ATP8B4: variants seen among roughly 807,000 people sequenced by gnomAD.
ATP8B4 encodes the protein ATPase phospholipid transporting 8B4 (putative), also known as probable phospholipid-transporting ATPase IM.
A neutral mutation model predicts 145.6 loss-of-function variants in ATP8B4; 133 were observed. That is an observed-to-expected ratio of 0.91 (90% CI 0.79 to 1.05). The LOEUF (loss-of-function observed/expected upper bound fraction) is 1.05. Ranked by LOEUF, ATP8B4 falls within the 50% of genes least tolerant of loss-of-function variation. The pLI is 0.00. For missense variants in ATP8B4, 1,458 were observed against 1,425.2 expected (o/e 1.02, Z -0.37); for synonymous variants, 507 against 492.9 (o/e 1.03, Z -0.38).
At chr15:49,970,135 G>C (rs1410808292) in intron 13 of ATP8B4, among the ~76,000 whole-genome samples, 1 of 152,088 alleles carries the variant, frequency 6.6e-6, no homozygotes. Context: ...AATAATAAGA[G>C]CTATTTATGA....
chr15:50,177,034 A>G (rs2044773971), intron 1 of ATP8B4, among the ~76,000 whole-genome samples: 1 of 152,206 alleles, frequency 6.6e-6, no homozygotes, highest in Non-Finnish European at 1.5e-5. Context: ...ACCATGCTAG[A>G]CAGTCAATAG....
At chr15:50,097,906 G>T (rs941438123) in intron 2 of ATP8B4, among the ~76,000 whole-genome samples, 4 of 151,978 alleles carry the variant, frequency 2.6e-5, no homozygotes, top group African/African-American at 9.7e-5. Flanking sequence ...TTCATTTTAC[G>T]TTCATGCTCA....
chr15:50,118,173 T>C (rs1313818907), intron 1 of ATP8B4, among the ~76,000 whole-genome samples: 1 of 151,804 alleles, frequency 6.6e-6, no homozygotes, highest in African/African-American at 2.4e-5. Flanking sequence ...ATAAACGATA[T>C]AGATAATGAT....
intron 26 of ATP8B4, among the ~76,000 whole-genome samples, chr15:49,865,443 G>T (rs2032619266): frequency 6.6e-6 from 1 of 152,212 alleles, no homozygotes; most frequent in South Asian, 2.1e-4. Context: ...CAGGGAGGGG[G>T]TTGGGGGGAA....
At chr15:50,016,462 A>G (rs541297015) in intron 6 of ATP8B4, among the ~76,000 whole-genome samples, 3 of 152,304 alleles carry the variant, frequency 2.0e-5, no homozygotes, top group Admixed American at 6.5e-5. Context: ...AGCTTTATGT[A>G]TAAGAGGTTG....
At chr15:49,866,590 C>T (rs983657998) in intron 25 of ATP8B4, 106 bp from the exon 26 acceptor site, 3 of 1,414,140 alleles carry the variant, frequency 2.1e-6, no homozygotes, top group South Asian at 1.3e-5. Context: ...AAGTTTGCAC[C>T]TGCCTAGTTG....
intron 10 of ATP8B4, 107 bp from the exon 11 acceptor site, chr15:49,981,401 A>G: frequency 1.1e-6 from 1 of 885,262 alleles, no homozygotes; most frequent in South Asian, 1.9e-5. Context: ...ATTTTTCACA[A>G]TAATTTAACT....
intron 9 of ATP8B4, 147 bp from the exon 10 acceptor site, chr15:49,987,696 G>C (rs1279878278): frequency 1.2e-6 from 1 of 801,962 alleles, no homozygotes; most frequent in African/African-American, 1.8e-5. Flanking sequence ...AAAATAAGCT[G>C]GGAGGTAGAA....
chr15:49,966,609 C>A (rs773013454), intron 13 of ATP8B4, among the ~76,000 whole-genome samples: 1 of 152,192 alleles, frequency 6.6e-6, no homozygotes, highest in African/African-American at 2.4e-5. Flanking sequence ...AGAAAGGCAG[C>A]GGCCCCAGTC....
rs183686505 is a variant in ATP8B4 at position 49,867,597 on chromosome 15, A to G, written c.3028-1113T>C. On this transcript the variant is annotated intron_variant, in intron 25 of 27. Coordinates refer to ENST00000284509, the MANE Select transcript of ATP8B4 (RefSeq NM_024837.4). ...ACCTTCCACCACCTGTTAGTTTAAC[A>G]CTCTCAAGAGTCAACGATAGCCTGA... is the stretch of plus-strand genomic sequence containing the variant. Among the ~76,000 whole-genome samples, 13 of 152,288 alleles carry G rather than the reference A, an allele frequency of 8.5e-5. No homozygotes were observed. The East Asian group carries it at 2.5e-3, about 29-fold the overall frequency.
At chr15:50,142,985 T>G (rs2044232745) in intron 1 of ATP8B4, among the ~76,000 whole-genome samples, 1 of 152,222 alleles carries the variant, frequency 6.6e-6, no homozygotes, top group Non-Finnish European at 1.5e-5. Flanking sequence ...TAAGAATGAA[T>G]TAAATGCTTA....
chr15:50,136,171 T>C (rs2044119260), intron 1 of ATP8B4, among the ~76,000 whole-genome samples: 1 of 152,188 alleles, frequency 6.6e-6, no homozygotes, highest in South Asian at 2.1e-4. Flanking sequence ...CCAGGATTTA[T>C]GAGGGCCGTG....
intron 12 of ATP8B4, among the ~76,000 whole-genome samples, chr15:49,978,732 T>C (rs2045886417): frequency 8.7e-6 from 1 of 114,942 alleles, no homozygotes; most frequent in Non-Finnish European, 1.8e-5. Context: ...TTCTAAGCTT[T>C]ATCAAATACA....
At chr15:49,949,658 A>C (rs181267722) in intron 14 of ATP8B4, among the ~76,000 whole-genome samples, 1 of 151,962 alleles carries the variant, frequency 6.6e-6, no homozygotes, top group East Asian at 1.9e-4. Context: ...AATACCCTTT[A>C]TTTCTTTCTC....
chr15:50,168,704 G>A (rs1004131424), intron 1 of ATP8B4, among the ~76,000 whole-genome samples: 1 of 152,180 alleles, frequency 6.6e-6, no homozygotes, highest in African/African-American at 2.4e-5. Flanking sequence ...AGGAGGGCAC[G>A]AAACAGGCAT....
intron 10 of ATP8B4, among the ~76,000 whole-genome samples, chr15:49,986,144 C>G (rs1248257518): frequency 6.6e-6 from 1 of 152,142 alleles, no homozygotes; most frequent in African/African-American, 2.4e-5. Context: ...TTCACAACAA[C>G]TGCCCTAGCA....
chr15:50,025,962 AG>A (rs2049977430), intron 6 of ATP8B4, among the ~76,000 whole-genome samples: 1 of 152,260 alleles, frequency 6.6e-6, no homozygotes, highest in Non-Finnish European at 1.5e-5. Flanking sequence ...ACATTACCCT[AG>A]TAGCCTCATG....
chr15:50,081,099 C>G (rs375864381), intron 2 of ATP8B4, among the ~76,000 whole-genome samples: 1 of 138,648 alleles, frequency 7.2e-6, no homozygotes, highest in Non-Finnish European at 1.5e-5. Context: ...GGGGACAGAG[C>G]GAGACTACGT....
chr15:49,934,186 TAGG>T lies in ATP8B4; in HGVS notation c.1288-7_1288-5del, dbSNP rs1441790729. 1 of 1,598,604 alleles carries T rather than the reference TAGG, an allele frequency of 6.3e-7. No homozygotes were observed. The highest frequency in any genetic ancestry group is 2.2e-5 in the East Asian group (1 of 44,550). ...AGAAATCCACAGGCTCTTTTTCCTG[TAGG>T]AGAACAACAACAACAAAAATAACCA... On this transcript the variant is annotated splice_polypyrimidine_tract_variant and splice_region_variant and intron_variant, in intron 14 of 27. Transcript: ENST00000284509.
Sources: gnomAD v4.1 joint callset for allele counts (sites outside exome capture counted in the v4.1 genomes callset) on GRCh38, gnomAD v4.1.1 for gene constraint, MANE v1.5 for transcripts, NCBI Gene and HGNC (gene_info 2026-07-23, HGNC 2026-07-21) for gene names.